The following CDC42BPB variants were observed in gnomAD, a reference collection of about 807,000 sequenced individuals.
CDC42BPB encodes CDC42 binding protein kinase beta.
A neutral mutation model predicts 214.9 loss-of-function variants in CDC42BPB; 37 were observed. That is an observed-to-expected ratio of 0.17 (90% CI 0.13 to 0.23). CDC42BPB has a LOEUF of 0.23. CDC42BPB is among the 10% of genes least tolerant of loss of function. CDC42BPB has a pLI of 1.00. For synonymous variants in CDC42BPB, 931 were observed against 884.0 expected, an observed-to-expected ratio of 1.05 and a Z score of -0.94; for missense variants, 1,694 against 2,227.0, an observed-to-expected ratio of 0.76 and a Z score of 4.82.
Position 102,954,625 on chromosome 14 carries a change from C to A in CDC42BPB, c.2965G>T (p.Val989Leu), listed in dbSNP as rs1456240485. The A allele has an allele frequency of 2.5e-6, 4 of 1,613,924 alleles. No individual in the cohort carries two copies. The highest frequency in any genetic ancestry group is 3.4e-6 in the Non-Finnish European group (4 of 1,179,878). The change falls in exon 22 of 37, where the codon GTG (valine) becomes TTG (leucine). Residue 989 changes from valine (V) to leucine (L), a missense_variant. This residue lies in a region of CDC42BPB where 156 missense variants were observed against 154.5 expected (regional missense o/e 1.01). Transcript: ENST00000361246. ...ACCTCCTGCTGCTCTGATGCAGCCACAGACATCGACGGGGACGCTTCTGGC... is the reference window on the plus strand; with the variant it reads ...ACCTCCTGCTGCTCTGATGCAGCCAAAGACATCGACGGGGACGCTTCTGGC... ...PKPEASPSMSVAASEQQEDMA... is the reference protein window; with the variant it reads ...PKPEASPSMSLAASEQQEDMA...
chr14:103,052,401 G>A (rs567125338), intron 1 of CDC42BPB, among the ~76,000 whole-genome samples: 34 of 152,208 alleles, frequency 2.2e-4, no homozygotes, highest in African/African-American at 7.9e-4. Context: ...AGATAAAAAT[G>A]TATTTGAGCC....
chr14:102,969,171 G>C (rs767185885), intron 14 of CDC42BPB, among the ~76,000 whole-genome samples: 2 of 152,238 alleles, frequency 1.3e-5, no homozygotes, highest in Non-Finnish European at 2.9e-5. Context: ...TCTGTAAGGT[G>C]CTGGCCTATT....
At chr14:102,955,160 C>T (rs1286786276) in intron 21 of CDC42BPB, among the ~76,000 whole-genome samples, 5 of 152,206 alleles carry the variant, frequency 3.3e-5, no homozygotes, top group South Asian at 2.1e-4. Context: ...CGGTGGCTCA[C>T]GCCTGTAATC....
In CDC42BPB at chr14:103,004,485, T is replaced by C. The variant is rs35070047; in HGVS notation, c.352-462A>G. 1.1e-4 allele frequency among the ~76,000 whole-genome samples: 17 copies of C among 152,182 alleles called. No individual in the cohort carries two copies. Among genetic ancestry groups the C allele is most frequent in the Non-Finnish European group, 2.5e-4 (17 of 68,028 alleles). ...GCACACGTTTGCTGAAATCACAGTA[T>C]AGTGATGACACAATTGTCACAGATT... On this transcript the variant is annotated intron_variant, in intron 3 of 36. Transcript: ENST00000361246. The surrounding 1 kb of genome is among the most constrained non-coding windows in gnomAD (Gnocchi z 5.3).
chr14:102,981,827 C>A (rs543824560), intron 7 of CDC42BPB, among the ~76,000 whole-genome samples: 1 of 152,264 alleles, frequency 6.6e-6, no homozygotes, highest in South Asian at 2.1e-4. Context: ...CTGTGTGCTG[C>A]TATAGAAAGA....
At chr14:102,951,819 C>T (rs758484043) in intron 24 of CDC42BPB, among the ~76,000 whole-genome samples, 20 of 152,094 alleles carry the variant, frequency 1.3e-4, no homozygotes, top group Non-Finnish European at 2.1e-4. Flanking sequence ...AAAAAAAATA[C>T]GAATGACGAC....
chr14:102,935,684 G>C (rs1193890636), intron 36 of CDC42BPB, among the ~76,000 whole-genome samples: 1 of 151,502 alleles, frequency 6.6e-6, no homozygotes, highest in African/African-American at 2.4e-5. Flanking sequence ...CAGCTACTTG[G>C]GAGTCTGAGG....
intron 8 of CDC42BPB, among the ~76,000 whole-genome samples, chr14:102,978,592 C>T (rs1443562356): frequency 6.6e-6 from 1 of 152,256 alleles, no homozygotes; most frequent in African/African-American, 2.4e-5. Context: ...AGCCTGGGGA[C>T]TCTCAGGTTC....
intron 1 of CDC42BPB, among the ~76,000 whole-genome samples, chr14:103,020,166 G>T (rs1005286754): frequency 1.3e-5 from 2 of 152,238 alleles, no homozygotes; most frequent in Non-Finnish European, 2.9e-5. Flanking sequence ...GGCCTCAGCT[G>T]CTTTGTGGCC....
At chr14:103,025,295 G>A (rs756466442) in intron 1 of CDC42BPB, among the ~76,000 whole-genome samples, 22 of 151,968 alleles carry the variant, frequency 1.4e-4, no homozygotes, top group Non-Finnish European at 2.6e-4. Flanking sequence ...CACTTGGATC[G>A]CTTAGGCTAA....
intron 22 of CDC42BPB, 112 bp from the exon 23 acceptor site, chr14:102,954,387 T>C (rs1430602537): frequency 6.9e-7 from 1 of 1,444,172 alleles, no homozygotes; most frequent in South Asian, 1.5e-5. Context: ...CAGTTCTGCA[T>C]TTTTAATTTG....
rs913800414 is a variant in CDC42BPB, at chr14:102,944,828, T to G, written c.3812-341A>C. Reference sequence around the variant, plus strand: ...CCTGGGTCCTCGCGCAGCAAGGCCCTGGGGTGATCTGGGCCTCCTTCCAGC... The same window carrying G: ...CCTGGGTCCTCGCGCAGCAAGGCCCGGGGGTGATCTGGGCCTCCTTCCAGC... On this transcript the variant is annotated intron_variant, in intron 29 of 36. Transcript: ENST00000361246. The surrounding 1 kb of genome is among the most constrained non-coding windows in gnomAD (Gnocchi z 6.6). Among the ~76,000 whole-genome samples, 9 of 152,266 alleles carry G rather than the reference T, an allele frequency of 5.9e-5. No individual in the cohort carries two copies. The highest frequency in any genetic ancestry group is 1.3e-4 in the Non-Finnish European group (9 of 68,004).
At chr14:102,940,938 G>A (rs1363683130) in intron 30 of CDC42BPB, among the ~76,000 whole-genome samples, 4 of 152,240 alleles carry the variant, frequency 2.6e-5, no homozygotes, top group Non-Finnish European at 4.4e-5. Flanking sequence ...TCTGGGGTCC[G>A]CGCTGTGCTC....
At chr14:102,980,474 A>G (rs1215731974) in intron 8 of CDC42BPB, among the ~76,000 whole-genome samples, 4 of 152,180 alleles carry the variant, frequency 2.6e-5, no homozygotes, top group African/African-American at 9.7e-5. Flanking sequence ...GCCTGGCGAC[A>G]GAGCAAGACT....
At chr14:103,002,514 CT>C (rs1895034598) in intron 4 of CDC42BPB, among the ~76,000 whole-genome samples, 1 of 152,236 alleles carries the variant, frequency 6.6e-6, no homozygotes. Flanking sequence ...TCCCAGTTGC[CT>C]GTACTCCCTG....
At chr14:103,008,036 GC>G (rs1303835795) in intron 3 of CDC42BPB, among the ~76,000 whole-genome samples, 1 of 151,008 alleles carries the variant, frequency 6.6e-6, no homozygotes, top group Non-Finnish European at 1.5e-5. Context: ...AGAAAAAGGA[GC>G]TGATCAAAGC....
intron 1 of CDC42BPB, among the ~76,000 whole-genome samples, chr14:103,023,622 T>C (rs1886887772): frequency 6.6e-6 from 1 of 152,242 alleles, no homozygotes. Flanking sequence ...TGTTTTTTCT[T>C]TGGTAGAAAT....
intron 11 of CDC42BPB, 94 bp downstream of exon 11, chr14:102,975,590 G>A: frequency 7.6e-7 from 1 of 1,309,812 alleles, no homozygotes; most frequent in Non-Finnish European, 1.1e-6. Context: ...CTTTTTTTCT[G>A]CTTTCCCACT....
Position 103,004,356 on chromosome 14 carries a change from T to G in CDC42BPB, c.352-333A>C. 3.9e-6 allele frequency: 1 copy of G among 254,560 alleles called. No homozygotes were observed. Among genetic ancestry groups the G allele is most frequent in the Non-Finnish European group, 7.3e-6 (1 of 137,698 alleles). 15.8% of individuals were successfully genotyped at this position (254,560 alleles called of 1,614,324 possible). A position where few individuals can be genotyped will look rare whatever the true frequency, so the allele number is the denominator to read the frequency against. On this transcript the variant is annotated intron_variant, in intron 3 of 36. Coordinates refer to ENST00000361246, the MANE Select transcript of CDC42BPB (RefSeq NM_006035.4). This position sits in a 1 kb window ranked among gnomAD's most constrained non-coding sequence, Gnocchi z 5.3. The stretch of plus-strand genomic sequence containing the variant: ...CCCACCTGGCACCTCCTGACTCCTC[T>G]ACCAGATCAACCTCTGCCAAGTATC...
Sources: allele counts gnomAD v4.1 joint callset (sites outside exome capture counted in the v4.1 genomes callset), GRCh38; gene constraint gnomAD v4.1.1; regional missense constraint gnomAD v4.1.1; non-coding constraint Gnocchi (gnomAD v3.1); transcripts MANE v1.5; gene names NCBI Gene and HGNC (gene_info 2026-07-23, HGNC 2026-07-21).